IFNG-AS1: variants seen among roughly 807,000 people sequenced by gnomAD.
IFNG-AS1 encodes the protein IFNG regulatory antisense RNA 1.
intron 2 of IFNG-AS1, among the ~76,000 whole-genome samples, chr12:68,004,277 CT>C (rs1879856498): frequency 6.6e-6 from 1 of 152,208 alleles, no homozygotes; most frequent in Admixed American, 6.5e-5. Flanking sequence ...AGTCTCTTGT[CT>C]TTTAAATGGG....
intron 2 of IFNG-AS1, among the ~76,000 whole-genome samples, chr12:67,997,395 G>A (rs1879665870): frequency 6.6e-6 from 1 of 151,940 alleles, no homozygotes; most frequent in Admixed American, 6.6e-5. Flanking sequence ...AATTGCTGGG[G>A]CAAGAAAATT....
intron 2 of IFNG-AS1, among the ~76,000 whole-genome samples, chr12:68,000,212 C>A (rs1425401625): frequency 6.6e-6 from 1 of 151,784 alleles, no homozygotes; most frequent in African/African-American, 2.4e-5. Context: ...TGTGTACTGG[C>A]AACTTTTTTT....
intron 2 of IFNG-AS1, among the ~76,000 whole-genome samples, chr12:68,003,424 C>CTTTTTTTTT (rs530422946): frequency 2.9e-5 from 4 of 136,508 alleles, no homozygotes; most frequent in Non-Finnish European, 4.6e-5. Context: ...CATATTCCCC[C>CTTTTTTTTT]CTTTTTTTTT....
At chr12:67,990,137 T>C (rs964171171) in intron 1 of IFNG-AS1, among the ~76,000 whole-genome samples, 1 of 152,242 alleles carries the variant, frequency 6.6e-6, no homozygotes, top group African/African-American at 2.4e-5. Flanking sequence ...TAATTACTGC[T>C]AACACTACTG....
intron 3 of IFNG-AS1, among the ~76,000 whole-genome samples, chr12:68,012,161 GTT>G (rs1434050464): frequency 6.6e-6 from 1 of 152,110 alleles, no homozygotes. Context: ...TTTACAGGTT[GTT>G]TTGTTTTTTC....
At chr12:68,016,786 A>T (rs1332903103) in intron 3 of IFNG-AS1, among the ~76,000 whole-genome samples, 1 of 152,134 alleles carries the variant, frequency 6.6e-6, no homozygotes, top group Non-Finnish European at 1.5e-5. Flanking sequence ...CTCCTTGCTA[A>T]ATCCAATCGC....
intron 4 of IFNG-AS1, chr12:68,020,311 G>C (rs368424810): frequency 6.6e-6 from 1 of 152,122 alleles, no homozygotes; most frequent in African/African-American, 2.4e-5. Context: ...GTATAATCAG[G>C]CCTGTGCTTT....
intron 3 of IFNG-AS1, among the ~76,000 whole-genome samples, chr12:68,010,821 T>C (rs186990585): frequency 0.02 from 3,096 of 152,334 alleles, 39 homozygotes; most frequent in Non-Finnish European, 0.031. Context: ...TTCACTTTTT[T>C]ACCCTCGTGC....
chr12:67,992,554 C>G (rs150220167), intron 1 of IFNG-AS1, among the ~76,000 whole-genome samples: 1 of 152,150 alleles, frequency 6.6e-6, no homozygotes, highest in Non-Finnish European at 1.5e-5. Context: ...TCCTTGCCCA[C>G]GTGCAACATT....
chr12:67,996,669 C>G (rs1033159591), intron 2 of IFNG-AS1, among the ~76,000 whole-genome samples: 3 of 152,144 alleles, frequency 2.0e-5, no homozygotes, highest in Admixed American at 2.0e-4. Flanking sequence ...CAAATGGAAG[C>G]TAGCAGAAAA....
intron 3 of IFNG-AS1, among the ~76,000 whole-genome samples, chr12:68,012,283 G>GTT (rs1880050206): frequency 6.6e-6 from 1 of 152,114 alleles, no homozygotes; most frequent in Non-Finnish European, 1.5e-5. Context: ...GGAGAGATGA[G>GTT]TTTGCAAATG....
upstream of IFNG-AS1, chr12:67,989,516 A>C (rs1398382202): frequency 6.6e-6 from 1 of 152,194 alleles, no homozygotes; most frequent in Non-Finnish European, 1.5e-5. Context: ...GCCAGCAAAA[A>C]CTGTAGTCAT....
rs550734921 is a variant in IFNG-AS1 at position 68,008,213 on chromosome 12, G to A, written n.241+2067G>A. On this transcript the variant is annotated intron_variant and non_coding_transcript_variant, in intron 3 of 5. Transcript: ENST00000536914. The stretch of plus-strand genomic sequence containing the variant: ...AGGCGGATCATGAGGTCAGGAGATC[G>A]AGACCATCCTGGCTAACACGGTGAA... 7.2e-5 allele frequency among the ~76,000 whole-genome samples: 11 copies of A among 152,164 alleles called. No homozygotes were observed. In the East Asian group the frequency reaches 1.5e-3, roughly 21 times the overall value.
chr12:68,015,947 G>A (rs893431168), intron 3 of IFNG-AS1, among the ~76,000 whole-genome samples: 3 of 151,622 alleles, frequency 2.0e-5, no homozygotes, highest in African/African-American at 7.3e-5. Context: ...TAGAGACGGG[G>A]GGGGGAAAAA....
intron 1 of IFNG-AS1, among the ~76,000 whole-genome samples, chr12:67,995,492 G>A (rs1879617797): frequency 1.3e-5 from 2 of 150,554 alleles, no homozygotes; most frequent in Admixed American, 1.3e-4. Context: ...GGAGGCCGAG[G>A]CGGGCAGATT....
At position 67,997,185 on chromosome 12, in the gene IFNG-AS1, G is replaced by A. The variant is rs140492666; in HGVS notation, n.184+1112G>A. On this transcript the variant is annotated intron_variant and non_coding_transcript_variant, in intron 2 of 5. Transcript: ENST00000536914. ...GAAAGACATAAAACACTGAAGAAGA[G>A]CCAAGAAAACACTTAAAAAGAAAAA... Among the ~76,000 whole-genome samples the A allele has an allele frequency of 8.0e-3, 1,213 of 152,074 alleles. 10 individuals carry two copies. Among genetic ancestry groups the A allele is most frequent in the Non-Finnish European group, 0.014 (930 of 67,924 alleles).
chr12:68,019,177 G>T (rs1880227841), intron 3 of IFNG-AS1, among the ~76,000 whole-genome samples: 1 of 152,050 alleles, frequency 6.6e-6, no homozygotes, highest in African/African-American at 2.4e-5. Context: ...TTACAGCCAA[G>T]CAGATCTGGG....
chr12:67,994,579 C>G (rs573405050), intron 1 of IFNG-AS1, among the ~76,000 whole-genome samples: 1 of 152,176 alleles, frequency 6.6e-6, no homozygotes. Flanking sequence ...TTAAATACAG[C>G]TTTCAAAGCA....
intron 1 of IFNG-AS1, among the ~76,000 whole-genome samples, chr12:67,990,759 A>C (rs1376065067): frequency 1.3e-5 from 2 of 151,844 alleles, no homozygotes; most frequent in East Asian, 3.9e-4. Context: ...TGCCCAGCTA[A>C]TTTTTTGTAT....
Sources: gnomAD v4.1 joint callset for allele counts (sites outside exome capture counted in the v4.1 genomes callset) on GRCh38, gnomAD v4.1.1 for gene constraint, MANE v1.5 for transcripts, NCBI Gene and HGNC (gene_info 2026-07-23, HGNC 2026-07-21) for gene names.